The following SNX32 variants were observed in gnomAD, a reference collection of about 807,000 sequenced individuals.
SNX32 encodes the protein sorting nexin 32.
SNX32 carries 58 observed loss-of-function variants against 57.0 expected under a neutral mutation model. The observed-to-expected ratio is 1.02, with a 90% CI of 0.82 to 1.27. The LOEUF (loss-of-function observed/expected upper bound fraction) is 1.27. SNX32 is among the 50% of genes most tolerant of loss of function. SNX32 has a pLI of 0.00. For missense variants in SNX32, 589 were observed against 541.2 expected (o/e 1.09, Z -0.88); for synonymous variants, 262 against 220.4 (o/e 1.19, Z -1.67).
chr11:65,839,307 G>A (rs1858769482), intron 1 of SNX32, among the ~76,000 whole-genome samples: 1 of 127,274 alleles, frequency 7.9e-6, no homozygotes, highest in Admixed American at 8.3e-5. Context: ...TCGGCTCACT[G>A]CAAGCTCCGC....
In SNX32 at chr11:65,852,980, G is replaced by A. The variant is rs374052223; in HGVS notation, c.1158+22G>A. On this transcript the variant is annotated intron_variant, in intron 12 of 12. Transcript: ENST00000308342. ...CAAGGTGAGCCCTCCCACCTCACTG[G>A]GCCCTTGTGAAGCCTCCCACCTCCC... 1.9e-6 allele frequency: 3 copies of A among 1,613,046 alleles called. No individual in the cohort carries two copies. The African/African-American group carries it at 4.0e-5, about 22-fold the overall frequency.
chr11:65,841,662 AG>A (rs879542707), intron 1 of SNX32, among the ~76,000 whole-genome samples: 2 of 152,104 alleles, frequency 1.3e-5, no homozygotes, highest in Admixed American at 1.3e-4. Flanking sequence ...TGAACCCAGG[AG>A]GCAGAGATTG....
In SNX32 at chr11:65,851,060, G is replaced by A. The variant is rs777565754; in HGVS notation, c.609G>A (p.Val203=). 6.2e-7 allele frequency: 1 copy of A among 1,613,624 alleles called. No individual in the cohort carries two copies. The highest frequency in any genetic ancestry group is 1.3e-5 in the African/African-American group (1 of 74,900). Residue 203 remains valine, a synonymous_variant, in exon 7 of 13, where the codon GTG becomes GTA. Transcript: ENST00000308342. ...LITGMSGLKE[V]DDFFEHERTF... ...GTCCTGCCTGGCTCCCTTAGGAGGTGGATGACTTCTTTGAGCATGAGAGGA... is the reference window on the plus strand; with the variant it reads ...GTCCTGCCTGGCTCCCTTAGGAGGTAGATGACTTCTTTGAGCATGAGAGGA...
chr11:65,850,530 T>C lies in SNX32; in HGVS notation c.474T>C (p.Phe158=). 6.2e-7 allele frequency: 1 copy of C among 1,612,262 alleles called. No homozygotes were observed. Among genetic ancestry groups the C allele is most frequent in the Non-Finnish European group, 8.5e-7 (1 of 1,179,094 alleles). Residue 158 remains phenylalanine (F), a synonymous_variant, in exon 5 of 13, where the codon TTT becomes TTC. Transcript: ENST00000308342. The part of the protein sequence containing the change: ...HPTLRRDHNF[F]VFLEYGQDLS... Reference sequence around the variant, plus strand: ...CCCTGCGTCGAGACCACAACTTCTTTGTGTTTTTGGAATATGGACAGGATG... The same window carrying C: ...CCCTGCGTCGAGACCACAACTTCTTCGTGTTTTTGGAATATGGACAGGATG...
At chr11:65,843,665 C>A (rs1327704593) in intron 1 of SNX32, among the ~76,000 whole-genome samples, 1 of 152,162 alleles carries the variant, frequency 6.6e-6, no homozygotes, top group African/African-American at 2.4e-5. Context: ...ATCTTCATGA[C>A]CTTGGGGTAG....
At chr11:65,848,637 T>A (rs1195483057) in intron 1 of SNX32, among the ~76,000 whole-genome samples, 1 of 152,202 alleles carries the variant, frequency 6.6e-6, no homozygotes, top group Non-Finnish European at 1.5e-5. Context: ...GTCTTGTGGA[T>A]CTTTTCACTT....
rs905662716 is a variant in SNX32, at chr11:65,839,228, T to G, written c.36+5127T>G. 3.3e-4 allele frequency among the ~76,000 whole-genome samples: 5 copies of G among 15,218 alleles called. No individual in the cohort carries two copies. The South Asian group carries it at 0.017, about 52-fold the overall frequency. The allele number at this position is 15,218 out of a possible 152,430, so 10.0% of individuals were successfully genotyped here. On this transcript the variant is annotated intron_variant, in intron 1 of 12. Coordinates refer to ENST00000308342, the MANE Select transcript of SNX32 (RefSeq NM_152760.3). ...CACGCCCAGCTAATTTTTTTGTATT[T>G]TTTTTTTTTTTTTTTTTTTGAGACG...
chr11:65,849,946 C>A lies in SNX32; in HGVS notation c.168C>A (p.Thr56=). Residue 56 remains threonine, a synonymous_variant, in exon 3 of 13, where the codon ACC becomes ACA. Transcript: ENST00000308342. ...TKSCLPHFAQ[T]EFSVVRQHEE... ...GCTGCCTCCCTCACTTCGCCCAGAC[C>A]GAGTTCTCAGTCGTGCGGCAGCACG... is the stretch of plus-strand genomic sequence containing the variant. The A allele has an allele frequency of 1.3e-6, 2 of 1,589,864 alleles. No homozygotes were observed. The highest frequency in any genetic ancestry group is 1.7e-6 in the Non-Finnish European group (2 of 1,164,326).
chr11:65,843,264 A>G (rs2134692727), intron 1 of SNX32, among the ~76,000 whole-genome samples: 1 of 150,912 alleles, frequency 6.6e-6, no homozygotes, highest in African/African-American at 2.4e-5. Flanking sequence ...TAAAATGAAG[A>G]AAATGAATTG....
chr11:65,852,599 G>A (rs772763399), intron 10 of SNX32, 31 bp from the exon 11 acceptor site: 2 of 1,613,698 alleles, frequency 1.2e-6, no homozygotes, highest in East Asian at 2.2e-5. Context: ...GCCAGGACAG[G>A]GCAGCAGTGA....
intron 1 of SNX32, among the ~76,000 whole-genome samples, chr11:65,836,008 A>G (rs1858659654): frequency 6.6e-6 from 1 of 152,164 alleles, no homozygotes; most frequent in Admixed American, 6.6e-5. Flanking sequence ...AAGGGCCAAC[A>G]TAAGGGTTAG....
At position 65,852,313 on chromosome 11, in the gene SNX32, A is replaced by C. The variant is rs1174753842; in HGVS notation, c.826-152A>C. 8.7e-6 allele frequency: 6 copies of C among 693,404 alleles called. No individual in the cohort carries two copies. In the East Asian group the frequency reaches 1.6e-4, roughly 18 times the overall value. 43.0% of individuals were successfully genotyped at this position (693,404 alleles called of 1,614,324 possible). On this transcript the variant is annotated intron_variant, in intron 9 of 12. Coordinates refer to ENST00000308342, the MANE Select transcript of SNX32 (RefSeq NM_152760.3). ...AGACTAGATCCCACTTCCTCTGTGA[A>C]GCCTTCCCTGGCCTGCACCCCTCAA... is the stretch of plus-strand genomic sequence containing the variant.
chr11:65,845,232 G>A (rs190362665), intron 1 of SNX32, among the ~76,000 whole-genome samples: 175 of 151,396 alleles, frequency 1.2e-3, no homozygotes, highest in African/African-American at 4.1e-3. Flanking sequence ...GAGGTCTGGA[G>A]ATCGAGACCA....
At chr11:65,838,169 A>G (rs1858723859) in intron 1 of SNX32, among the ~76,000 whole-genome samples, 2 of 151,722 alleles carry the variant, frequency 1.3e-5, no homozygotes, top group East Asian at 3.9e-4. Context: ...AAAGAAAGAA[A>G]GAAGGAAAGA....
Position 65,851,413 on chromosome 11 carries a change from C to T in SNX32, c.785+10C>T, listed in dbSNP as rs369661046. On this transcript the variant is annotated intron_variant, in intron 8 of 12. Transcript: ENST00000308342. ...TCAACCAGCTAAGGACGTGAGGACT[C>T]CCCCCACCCCTACCCTCTCCCTGTG... 8 of 1,612,872 alleles carry T rather than the reference C, an allele frequency of 5.0e-6. No homozygotes were observed. The South Asian group carries it at 5.5e-5, about 11-fold the overall frequency.
chr11:65,839,686 T>C (rs968594214), intron 1 of SNX32, among the ~76,000 whole-genome samples: 8 of 145,116 alleles, frequency 5.5e-5, no homozygotes, highest in Non-Finnish European at 9.0e-5. Flanking sequence ...TGAACCATGA[T>C]CACACCACTG....
chr11:65,834,878 GTGTC>G (rs1212063271), intron 1 of SNX32, among the ~76,000 whole-genome samples: 1 of 151,200 alleles, frequency 6.6e-6, no homozygotes, highest in South Asian at 2.1e-4. Context: ...GTGTCTGTGT[GTGTC>G]TGTATCCGTG....
chr11:65,834,611 CTGTG>C (rs1009238258), intron 1 of SNX32, among the ~76,000 whole-genome samples: 1 of 138,846 alleles, frequency 7.2e-6, no homozygotes, highest in Non-Finnish European at 1.5e-5. Context: ...CTGTGTCTGT[CTGTG>C]TGTATGGTCT....
At chr11:65,850,637 G>C (rs968991381) in intron 5 of SNX32, 83 bp downstream of exon 5, 1 of 1,559,936 alleles carries the variant, frequency 6.4e-7, no homozygotes, top group Non-Finnish European at 8.7e-7. Flanking sequence ...GGCAGGGCTG[G>C]AGAAGGGGCC....
Sources: allele counts gnomAD v4.1 joint callset (sites outside exome capture counted in the v4.1 genomes callset), GRCh38; gene constraint gnomAD v4.1.1; transcripts MANE v1.5; gene names NCBI Gene and HGNC (gene_info 2026-07-23, HGNC 2026-07-21).